The following NAV2 variants were observed in gnomAD, a reference collection of about 807,000 sequenced individuals.
NAV2 encodes neuron navigator 2.
Under a neutral mutation model 223.2 loss-of-function variants are expected in NAV2, and 54 were observed. The ratio of observed to expected loss-of-function variants is 0.24; its 90% CI spans 0.19 to 0.30. The LOEUF (loss-of-function observed/expected upper bound fraction) is 0.30, where lower values mean the gene tolerates loss of function less well. Ranked by LOEUF, NAV2 falls within the 10% of genes least tolerant of loss-of-function variation. NAV2 has a pLI of 1.00. For missense variants in NAV2, 2,806 were observed against 3,147.5 expected (o/e 0.89, Z 2.60); for synonymous variants, 1,279 against 1,239.3 (o/e 1.03, Z -0.67).
At chr11:19,559,780 T>C (rs1360205495) in intron 1 of NAV2, among the ~76,000 whole-genome samples, 1 of 152,196 alleles carries the variant, frequency 6.6e-6, no homozygotes, top group East Asian at 1.9e-4. Context: ...GGATGGGAAG[T>C]GCTTTCTTCG....
At chr11:19,755,860 C>T (rs2054192231) in intron 1 of NAV2, among the ~76,000 whole-genome samples, 1 of 152,190 alleles carries the variant, frequency 6.6e-6, no homozygotes, top group Non-Finnish European at 1.5e-5. Context: ...TAGGGACTTA[C>T]CTACAGGGCA....
At chr11:19,704,779 G>A (rs1003481341) in intron 1 of NAV2, among the ~76,000 whole-genome samples, 7 of 152,084 alleles carry the variant, frequency 4.6e-5, no homozygotes, top group South Asian at 4.1e-4. Flanking sequence ...TGGGGAGGCC[G>A]AGGCGGGTGG....
At chr11:19,459,319 G>C (rs896581715) in intron 1 of NAV2, among the ~76,000 whole-genome samples, 3 of 152,204 alleles carry the variant, frequency 2.0e-5, no homozygotes, top group Non-Finnish European at 4.4e-5. Flanking sequence ...AGATACTGGT[G>C]GCAAAGTGGC....
chr11:19,941,456 G>C (rs188270463), intron 8 of NAV2, among the ~76,000 whole-genome samples: 1 of 151,628 alleles, frequency 6.6e-6, no homozygotes, highest in Admixed American at 6.5e-5. Context: ...ATAATAAATA[G>C]CATGAGGTTG....
intron 1 of NAV2, among the ~76,000 whole-genome samples, chr11:19,364,093 T>C (rs997281252): frequency 2.0e-5 from 3 of 152,176 alleles, no homozygotes; most frequent in Admixed American, 2.0e-4. Flanking sequence ...GTTCCAACCC[T>C]AATCACATAG....
chr11:19,570,000 T>A (rs2045377688), intron 1 of NAV2, among the ~76,000 whole-genome samples: 1 of 152,240 alleles, frequency 6.6e-6, no homozygotes, highest in Non-Finnish European at 1.5e-5. Context: ...GGCAGCAGAA[T>A]TACTCCTTGT....
chr11:19,513,405 G>C lies in NAV2; in HGVS notation c.75+162378G>C, dbSNP rs527708513. Among the ~76,000 whole-genome samples, 5 of 152,272 alleles carry C rather than the reference G, an allele frequency of 3.3e-5. No homozygotes were observed. In the South Asian group the frequency reaches 1.0e-3, roughly 32 times the overall value. On this transcript the variant is annotated intron_variant, in intron 1 of 37. Coordinates refer to the NAV2 transcript ENST00000360655. Reference sequence around the variant, plus strand: ...TGCTGGTTACACAGTCAGATCCCAGGGTGATGGCACCCTGATGTGGCTGCC... The same window carrying C: ...TGCTGGTTACACAGTCAGATCCCAGCGTGATGGCACCCTGATGTGGCTGCC...
intron 1 of NAV2, among the ~76,000 whole-genome samples, chr11:19,540,072 T>A (rs1324483609): frequency 6.6e-6 from 1 of 152,180 alleles, no homozygotes; most frequent in Admixed American, 6.5e-5. Context: ...TAAACACGAT[T>A]GAATATTCCT....
Position 19,956,313 on chromosome 11 carries a change from C to T in NAV2, c.2645+7233C>T, listed in dbSNP as rs534006343. On this transcript the variant is annotated intron_variant, in intron 10 of 37. Transcript: ENST00000349880. Reference sequence around the variant, plus strand: ...ACAATCTACCTAGAGTTAGCCTAGACGCCACAGGTTAAGGGCTCAGTTCCA... The same window carrying T: ...ACAATCTACCTAGAGTTAGCCTAGATGCCACAGGTTAAGGGCTCAGTTCCA... Among the ~76,000 whole-genome samples the T allele has an allele frequency of 1.4e-4, 22 of 152,170 alleles. No individual in the cohort carries two copies. The South Asian group carries it at 3.3e-3, about 23-fold the overall frequency.
chr11:19,852,221 A>G (rs2061184961), intron 3 of NAV2, among the ~76,000 whole-genome samples: 5 of 152,230 alleles, frequency 3.3e-5, no homozygotes, highest in African/African-American at 7.2e-5. Context: ...ATAGGAAACT[A>G]ATACACTCTG....
intron 11 of NAV2, among the ~76,000 whole-genome samples, chr11:20,032,278 CT>C (rs879343023): frequency 3.3e-5 from 5 of 152,314 alleles, no homozygotes; most frequent in African/African-American, 4.8e-5. Flanking sequence ...AGATCCCTGG[CT>C]TCCCCTCTTC....
chr11:19,777,990 A>G (rs1315302400), intron 1 of NAV2: 1 of 455,720 alleles, frequency 2.2e-6, no homozygotes, highest in Non-Finnish European at 4.4e-6. Context: ...CGAGTGAGTG[A>G]GTATGCACCG....
In NAV2 at chr11:19,758,125, A is replaced by G. The variant is rs1454424844; in HGVS notation, c.267+44163A>G. 3.3e-5 allele frequency among the ~76,000 whole-genome samples: 5 copies of G among 152,352 alleles called. No individual in the cohort carries two copies. The East Asian group carries it at 9.6e-4, about 29-fold the overall frequency. On this transcript the variant is annotated intron_variant, in intron 1 of 37. Transcript: ENST00000349880. Reference sequence around the variant, plus strand: ...ACTTCATAGATGAGGAATGTTGAGAATAAAGGGTTTTGTTCACTCCGTTTA... The same window carrying G: ...ACTTCATAGATGAGGAATGTTGAGAGTAAAGGGTTTTGTTCACTCCGTTTA...
chr11:20,033,305 G>C (rs767973063), intron 11 of NAV2, among the ~76,000 whole-genome samples: 1 of 152,178 alleles, frequency 6.6e-6, no homozygotes, highest in Non-Finnish European at 1.5e-5. Flanking sequence ...AGTTGTTATC[G>C]CTAAGCAGGC....
At chr11:19,442,593 A>G (rs1851444462) in intron 1 of NAV2, among the ~76,000 whole-genome samples, 3 of 152,102 alleles carry the variant, frequency 2.0e-5, no homozygotes. Context: ...GGTGTGGGAG[A>G]GCTGGCCAGG....
intron 6 of NAV2, among the ~76,000 whole-genome samples, chr11:19,897,110 A>G (rs1187512588): frequency 6.6e-6 from 1 of 152,064 alleles, no homozygotes; most frequent in Non-Finnish European, 1.5e-5. Flanking sequence ...GGAAACCATC[A>G]TTCTCAGCAA....
At chr11:19,828,584 GC>G (rs1253835961) in intron 1 of NAV2, among the ~76,000 whole-genome samples, 5 of 152,248 alleles carry the variant, frequency 3.3e-5, no homozygotes, top group African/African-American at 1.2e-4. Flanking sequence ...GACCTACAGG[GC>G]TCAGGTGATC....
chr11:19,519,300 G>A (rs1404321859), intron 1 of NAV2, among the ~76,000 whole-genome samples: 2 of 152,028 alleles, frequency 1.3e-5, no homozygotes, highest in African/African-American at 4.8e-5. Flanking sequence ...CAAGGCAGGT[G>A]CACAGTTCTG....
At chr11:19,734,251 C>T (rs2052066448) in intron 1 of NAV2, among the ~76,000 whole-genome samples, 1 of 152,166 alleles carries the variant, frequency 6.6e-6, no homozygotes, top group Non-Finnish European at 1.5e-5. Flanking sequence ...CTAGGAAAGA[C>T]AAGCTTTCAA....
Sources: gnomAD v4.1 joint callset for allele counts (sites outside exome capture counted in the v4.1 genomes callset) on GRCh38, gnomAD v4.1.1 for gene constraint, MANE v1.5 for transcripts, NCBI Gene and HGNC (gene_info 2026-07-23, HGNC 2026-07-21) for gene names.